PTCHD4: variants seen among roughly 807,000 people sequenced by gnomAD.
The protein encoded by PTCHD4 is patched domain-containing protein 4.
In PTCHD4, 33 loss-of-function variants were observed where a neutral mutation model predicts 58.1. The observed-to-expected ratio is 0.57, with a 90% CI of 0.43 to 0.76. PTCHD4 has a LOEUF of 0.76. PTCHD4 is among the 30% of genes least tolerant of loss of function. PTCHD4 has a pLI of 0.00. For missense variants in PTCHD4, 1,058 were observed against 1,027.1 expected (o/e 1.03, Z -0.41); for synonymous variants, 478 against 409.6 (o/e 1.17, Z -2.02).
chr6:48,030,271 G>T (rs116443997), intron 3 of PTCHD4, among the ~76,000 whole-genome samples: 1 of 151,916 alleles, frequency 6.6e-6, no homozygotes, highest in Non-Finnish European at 1.5e-5. Context: ...TAGAAACAAG[G>T]GTGACTGTAG....
intron 4 of PTCHD4, among the ~76,000 whole-genome samples, chr6:47,949,331 G>C (rs1766541380): frequency 6.6e-6 from 1 of 152,182 alleles, no homozygotes; most frequent in Admixed American, 6.5e-5. Context: ...GGCTGGAACA[G>C]AGTAAGGGGA....
intron 1 of PTCHD4, among the ~76,000 whole-genome samples, chr6:48,100,313 A>G (rs1765575242): frequency 6.6e-6 from 1 of 152,368 alleles, no homozygotes; most frequent in African/African-American, 2.4e-5. Context: ...TAAAATGTCT[A>G]AACAGTAGAG....
At chr6:48,080,398 C>A (rs1312388681) in intron 1 of PTCHD4, among the ~76,000 whole-genome samples, 1 of 152,178 alleles carries the variant, frequency 6.6e-6, no homozygotes, top group Non-Finnish European at 1.5e-5. Flanking sequence ...AATCAATAGG[C>A]ATTTATAGAA....
chr6:48,038,957 A>T (rs1270144567), intron 3 of PTCHD4, among the ~76,000 whole-genome samples: 1 of 152,190 alleles, frequency 6.6e-6, no homozygotes, highest in African/African-American at 2.4e-5. Context: ...TGTGAATATA[A>T]ATTGGCAGAA....
At chr6:47,905,043 T>TCACACACACACACA (rs70999653) in intron 4 of PTCHD4, among the ~76,000 whole-genome samples, 4,889 of 131,522 alleles carry the variant, frequency 0.037, 242 homozygotes, top group Admixed American at 0.12. Flanking sequence ...AATACAGCCA[T>TCACACACACACACA]CACACACACA....
At chr6:47,908,847 T>A (rs1403740893) in intron 4 of PTCHD4, among the ~76,000 whole-genome samples, 2 of 152,158 alleles carry the variant, frequency 1.3e-5, no homozygotes, top group African/African-American at 2.4e-5. Context: ...AAATTCTTCC[T>A]TGAGAGTAAA....
At chr6:48,102,515 T>G (rs1454424161) in intron 1 of PTCHD4, among the ~76,000 whole-genome samples, 2 of 152,190 alleles carry the variant, frequency 1.3e-5, no homozygotes, top group African/African-American at 2.4e-5. Context: ...ACAGCTCCAG[T>G]CTACAGTTCC....
intron 1 of PTCHD4, among the ~76,000 whole-genome samples, chr6:48,104,612 A>G (rs1765680650): frequency 6.6e-6 from 1 of 152,232 alleles, no homozygotes; most frequent in Non-Finnish European, 1.5e-5. Context: ...TACTAACCTT[A>G]AATGTAAATG....
At chr6:47,910,093 G>A (rs192944148) in intron 4 of PTCHD4, among the ~76,000 whole-genome samples, 6 of 152,278 alleles carry the variant, frequency 3.9e-5, no homozygotes, top group African/African-American at 1.4e-4. Flanking sequence ...TATTGCCGTT[G>A]CTCTTCACTG....
intron 4 of PTCHD4, among the ~76,000 whole-genome samples, chr6:47,905,043 TCACACACACACACACA>T (rs70999653): frequency 1.1e-4 from 15 of 131,564 alleles, no homozygotes; most frequent in African/African-American, 3.7e-4. Context: ...AATACAGCCA[TCACACACACACACACA>T]CACACACACA....
chr6:48,062,653 A>C (rs1036894335), intron 3 of PTCHD4, among the ~76,000 whole-genome samples: 15 of 152,178 alleles, frequency 9.9e-5, no homozygotes, highest in African/African-American at 3.4e-4. Context: ...AATTCAATAA[A>C]AGAACTTATC....
rs2114082557 is a variant in PTCHD4, at chr6:47,872,979, A to G, written c.*5324T>C. On this transcript the variant is annotated 3_prime_UTR_variant, in exon 5 of 5. Coordinates refer to ENST00000339488, the MANE Select transcript of PTCHD4 (RefSeq NM_001384253.1). ...AAAAAGTGTTCATTATGACTCAAAG[A>G]CTCACAAAATATAGTCAATGAGAGC... Among the ~76,000 whole-genome samples the G allele has an allele frequency of 6.6e-6, 1 of 151,740 alleles. No homozygotes were observed. The highest frequency in any genetic ancestry group is 2.4e-5 in the African/African-American group (1 of 41,464).
chr6:48,031,229 T>C (rs1763427467), intron 3 of PTCHD4, among the ~76,000 whole-genome samples: 1 of 152,146 alleles, frequency 6.6e-6, no homozygotes, highest in Non-Finnish European at 1.5e-5. Flanking sequence ...AGGTAATGTT[T>C]AAACATCCTA....
Position 48,009,076 on chromosome 6 carries a change from C to T in PTCHD4, c.456G>A (p.Gly152=). Residue 152 remains glycine (G), a synonymous_variant, in exon 4 of 5, where the codon GGG becomes GGA. Transcript: ENST00000339488. ...CTTTGCTGTTTGGCACTTCCACTACCCCGCCCAGTTGGTGTCCAATAAAAC... is the reference window on the plus strand; with the variant it reads ...CTTTGCTGTTTGGCACTTCCACTACTCCGCCCAGTTGGTGTCCAATAAAAC... ...RNSFIGHQLG[G]VVEVPNSKDQ... The T allele has an allele frequency of 6.2e-7, 1 of 1,613,480 alleles. No individual in the cohort carries two copies. The highest frequency in any genetic ancestry group is 8.5e-7 in the Non-Finnish European group (1 of 1,179,646).
chr6:47,936,344 G>A (rs531357901), intron 4 of PTCHD4, among the ~76,000 whole-genome samples: 153 of 152,182 alleles, frequency 1.0e-3, no homozygotes, highest in Non-Finnish European at 2.0e-3. Flanking sequence ...ATTAGGAAGA[G>A]TGCTTTCTTT....
rs530963103 is a variant in PTCHD4 at position 47,883,723 on chromosome 6, T to C, written c.899-3787A>G. Among the ~76,000 whole-genome samples the C allele has an allele frequency of 4.6e-5, 7 of 152,278 alleles. No homozygotes were observed. The South Asian group carries it at 1.5e-3, about 32-fold the overall frequency. ...AATTCTTTATTGTCGGGGACTGTCA[T>C]GAACTTTGGAGGATGTTTAGCACCA... On this transcript the variant is annotated intron_variant, in intron 4 of 4. Transcript: ENST00000339488.
intron 1 of PTCHD4, among the ~76,000 whole-genome samples, chr6:48,109,929 A>G (rs1765828910): frequency 6.6e-6 from 1 of 152,150 alleles, no homozygotes; most frequent in Admixed American, 6.6e-5. Context: ...ATAAAACTTA[A>G]AAAGAGAGAA....
chr6:48,005,031 T>C lies in PTCHD4; in HGVS notation c.898+3603A>G, dbSNP rs551611374. Among the ~76,000 whole-genome samples the C allele has an allele frequency of 2.9e-4, 44 of 152,358 alleles. No individual in the cohort carries two copies. The South Asian group carries it at 8.5e-3, about 29-fold the overall frequency. On this transcript the variant is annotated intron_variant, in intron 4 of 4. Transcript: ENST00000339488. Reference sequence around the variant, plus strand: ...AAACCCCAATCTGAGACATACAATTTGACACATATAATTTTTTTTATGAGA... The same window carrying C: ...AAACCCCAATCTGAGACATACAATTCGACACATATAATTTTTTTTATGAGA...
intron 4 of PTCHD4, among the ~76,000 whole-genome samples, chr6:47,943,405 A>G (rs539888148): frequency 1.4e-4 from 21 of 152,282 alleles, no homozygotes; most frequent in African/African-American, 2.6e-4. Context: ...ATGAATACCT[A>G]CTAGGGATTG....
Sources: allele counts gnomAD v4.1 joint callset (sites outside exome capture counted in the v4.1 genomes callset), GRCh38; gene constraint gnomAD v4.1.1; transcripts MANE v1.5; gene names NCBI Gene and HGNC (gene_info 2026-07-23, HGNC 2026-07-21).